Variants in VTI1A observed in about 807,000 individuals in gnomAD.
The protein encoded by VTI1A is vesicle transport through interaction with t-SNAREs homolog 1A.
A neutral mutation model predicts 34.9 loss-of-function variants in VTI1A; 22 were observed. That is an observed-to-expected ratio of 0.63 (90% CI 0.45 to 0.90). VTI1A has a LOEUF of 0.90. Among genes scored for constraint, VTI1A ranks in the 40% least tolerant of loss-of-function variants. The pLI is 0.00. For synonymous variants in VTI1A, 87 were observed against 97.3 expected (o/e 0.89, Z 0.62); for missense variants, 268 against 275.6 (o/e 0.97, Z 0.20).
intron 7 of VTI1A, among the ~76,000 whole-genome samples, chr10:112,734,188 G>A (rs191915075): frequency 1.3e-5 from 2 of 152,172 alleles, no homozygotes; most frequent in East Asian, 3.9e-4. Context: ...CCTCAAAATA[G>A]GGTTCAAGCT....
chr10:112,543,429 T>C (rs1850943885), intron 5 of VTI1A, among the ~76,000 whole-genome samples: 1 of 152,258 alleles, frequency 6.6e-6, no homozygotes, highest in African/African-American at 2.4e-5. Flanking sequence ...TGATGGCCAG[T>C]GATGATGAGC....
intron 7 of VTI1A, among the ~76,000 whole-genome samples, chr10:112,771,244 T>A (rs1176541983): frequency 1.3e-5 from 2 of 152,244 alleles, no homozygotes; most frequent in Non-Finnish European, 1.5e-5. Context: ...CAGAGAGCAG[T>A]TGGAAGAACT....
At chr10:112,700,116 TCAAAAAAAAAAAAAAAAAACAAAA>T (rs1848949965) in intron 7 of VTI1A, among the ~76,000 whole-genome samples, 1 of 61,862 alleles carries the variant, frequency 1.6e-5, no homozygotes, top group Non-Finnish European at 2.9e-5. Flanking sequence ...AGACTCCATC[TCAAAAAAAAAAAAAAAAAACAAAA>T]CAAAAAAAAA....
At chr10:112,606,459 C>T (rs1317530489) in intron 5 of VTI1A, among the ~76,000 whole-genome samples, 1 of 152,172 alleles carries the variant, frequency 6.6e-6, no homozygotes, top group Non-Finnish European at 1.5e-5. Flanking sequence ...CTTACTGGTG[C>T]TTTTCCTCAT....
intron 3 of VTI1A, among the ~76,000 whole-genome samples, chr10:112,467,397 C>T (rs1847931817): frequency 6.6e-6 from 1 of 151,898 alleles, no homozygotes; most frequent in South Asian, 2.1e-4. Flanking sequence ...CTTACCTGGG[C>T]CACATTGGAA....
Position 112,546,937 on chromosome 10 carries a change from C to T in VTI1A, c.427+8607C>T, listed in dbSNP as rs139196677. 5.0e-3 allele frequency among the ~76,000 whole-genome samples: 753 copies of T among 152,116 alleles called. 12 individuals carry two copies. The highest frequency in any genetic ancestry group is 0.018 in the African/African-American group (727 of 41,498). ...TATCTCTTTTTAAAAAATAAAAATACGGATTTCTCTTCAATTTCAGTATTT... is the reference window on the plus strand; with the variant it reads ...TATCTCTTTTTAAAAAATAAAAATATGGATTTCTCTTCAATTTCAGTATTT... On this transcript the variant is annotated intron_variant, in intron 5 of 7. Coordinates refer to ENST00000393077, the MANE Select transcript of VTI1A (RefSeq NM_145206.4).
chr10:112,647,425 G>A (rs1416247459), intron 5 of VTI1A, among the ~76,000 whole-genome samples: 1 of 152,128 alleles, frequency 6.6e-6, no homozygotes, highest in African/African-American at 2.4e-5. Context: ...CACTGTACTA[G>A]GTGTTCTTTT....
chr10:112,851,365 GAT>G, the VTI1A span, among the ~76,000 whole-genome samples: 2 of 152,192 alleles, frequency 1.3e-5, no homozygotes, highest in Non-Finnish European at 1.5e-5. Flanking sequence ...ACATTGACAT[GAT>G]ATGTGTCATA....
chr10:112,496,536 A>G (rs995338678), intron 3 of VTI1A, among the ~76,000 whole-genome samples: 1 of 151,972 alleles, frequency 6.6e-6, no homozygotes, highest in Admixed American at 6.6e-5. Context: ...GGGCCACTGC[A>G]CTCCTGCCTG....
chr10:112,828,087 T>C, the VTI1A span, among the ~76,000 whole-genome samples: 5 of 152,136 alleles, frequency 3.3e-5, no homozygotes, highest in Non-Finnish European at 2.9e-5. Flanking sequence ...AGGACTGATA[T>C]GAAGATTCAA....
rs1223362846 is a variant in VTI1A, at chr10:112,767,941, G to A, written c.561-47349G>A. ...TGTGCCCAGAGGCACTAGTGTCACAGAAGCCGGACACGTATTACTTCCCCC... is the reference window on the plus strand; with the variant it reads ...TGTGCCCAGAGGCACTAGTGTCACAAAAGCCGGACACGTATTACTTCCCCC... On this transcript the variant is annotated intron_variant, in intron 7 of 7. Coordinates refer to ENST00000393077, the MANE Select transcript of VTI1A (RefSeq NM_145206.4). This position sits in a 1 kb window ranked among gnomAD's most constrained non-coding sequence, Gnocchi z 4.0. Among the ~76,000 whole-genome samples the A allele has an allele frequency of 2.3e-5, 3 of 132,128 alleles. No individual in the cohort carries two copies. Among genetic ancestry groups the A allele is most frequent in the Non-Finnish European group, 4.7e-5 (3 of 63,282 alleles). 86.7% of individuals were successfully genotyped at this position (132,128 alleles called of 152,430 possible). A position where few individuals can be genotyped will look rare whatever the true frequency, so the allele number is the denominator to read the frequency against.
chr10:112,797,812 TACA>T (rs1276118447), intron 7 of VTI1A, among the ~76,000 whole-genome samples: 1 of 152,244 alleles, frequency 6.6e-6, no homozygotes, highest in Non-Finnish European at 1.5e-5. Context: ...ATTGAATATT[TACA>T]AAAGAAGTAA....
chr10:112,810,784 G>A (rs1853253942), intron 7 of VTI1A, among the ~76,000 whole-genome samples: 1 of 152,154 alleles, frequency 6.6e-6, no homozygotes, highest in Non-Finnish European at 1.5e-5. Flanking sequence ...CACAGGAAGC[G>A]GATGCCTGGC....
At chr10:112,687,657 G>A (rs1382936820) in intron 7 of VTI1A, among the ~76,000 whole-genome samples, 1 of 152,060 alleles carries the variant, frequency 6.6e-6, no homozygotes, top group Non-Finnish European at 1.5e-5. Context: ...TTTTCAGAAT[G>A]AAACCCATCT....
chr10:112,589,065 C>T (rs1028518807), intron 5 of VTI1A, among the ~76,000 whole-genome samples: 1 of 137,038 alleles, frequency 7.3e-6, no homozygotes, highest in Non-Finnish European at 1.5e-5. Flanking sequence ...GTACAAATGT[C>T]GAAGATGTTA....
chr10:112,814,921 G>C (rs1000379436), intron 7 of VTI1A, among the ~76,000 whole-genome samples: 1 of 152,082 alleles, frequency 6.6e-6, no homozygotes, highest in African/African-American at 2.4e-5. Context: ...CAAAAAATGA[G>C]GCTTGTCTCG....
At chr10:112,559,613 C>T (rs1227203248) in intron 5 of VTI1A, among the ~76,000 whole-genome samples, 1 of 152,132 alleles carries the variant, frequency 6.6e-6, no homozygotes, top group African/African-American at 2.4e-5. Flanking sequence ...GCTGCCATCC[C>T]GCACAGCCAC....
chr10:112,531,687 A>G (rs543833706), intron 4 of VTI1A, among the ~76,000 whole-genome samples: 1 of 152,240 alleles, frequency 6.6e-6, no homozygotes, highest in African/African-American at 2.4e-5. Flanking sequence ...AATGGTCTCT[A>G]TTGCTGAAGA....
intron 7 of VTI1A, among the ~76,000 whole-genome samples, chr10:112,736,109 G>GTATATATATATATATATATATATATA (rs1181090787): frequency 3.4e-5 from 4 of 116,886 alleles, no homozygotes; most frequent in African/African-American, 8.0e-5. Context: ...ATATGTGTGT[G>GTATATATATATATATATATATATATA]TGTATATATA....
Sources: allele counts gnomAD v4.1 joint callset (sites outside exome capture counted in the v4.1 genomes callset), GRCh38; gene constraint gnomAD v4.1.1; non-coding constraint Gnocchi (gnomAD v3.1); transcripts MANE v1.5; gene names NCBI Gene and HGNC (gene_info 2026-07-23, HGNC 2026-07-21).